The following RBMXL1 variants were observed in gnomAD, a reference collection of about 807,000 sequenced individuals.
RBMXL1 encodes the protein RNA binding motif protein, X-linked-like-1.
In RBMXL1, 18 loss-of-function variants were observed where a neutral mutation model predicts 29.0. That is an observed-to-expected ratio of 0.62 (90% CI 0.43 to 0.92). RBMXL1 has a LOEUF of 0.92. RBMXL1 is among the 40% of genes least tolerant of loss of function. The pLI is 0.00. For missense variants in RBMXL1, 403 were observed against 495.8 expected (o/e 0.81, Z 1.78); for synonymous variants, 141 against 170.4 (o/e 0.83, Z 1.34).
chr1:88,983,937 G>A lies in RBMXL1; in HGVS notation c.-111C>T, dbSNP rs1677279218. 4.3e-6 allele frequency: 5 copies of A among 1,168,166 alleles called. No individual in the cohort carries two copies. The highest frequency in any genetic ancestry group is 6.3e-6 in the Non-Finnish European group (5 of 794,244). 72.4% of individuals were successfully genotyped at this position (1,168,166 alleles called of 1,614,324 possible). A position where few individuals can be genotyped will look rare whatever the true frequency, so the allele number is the denominator to read the frequency against. The stretch of plus-strand genomic sequence containing the variant: ...ACCAGTGGCGGCTGTCAGTTAGGAG[G>A]ACTGAACCGCGAAGCCGCTAGCACT... On this transcript the variant is annotated 5_prime_UTR_variant, in exon 3 of 3. Transcript: ENST00000652648.
rs775027381 is a variant in RBMXL1, at chr1:88,983,338, C to A, written c.489G>T (p.Lys163Asn). ...GAACTAGTCCTGAAGGTGCAGATCT[C>A]TTAGGAGAAGGACCCCCACTTCTTG... is the stretch of plus-strand genomic sequence containing the variant. ...PPPRSGGPSP[K>N]RSAPSGLVRS... is the part of the protein sequence containing the mutation. Residue 163 changes from lysine to asparagine, a missense_variant, in exon 3 of 3, where the codon AAG becomes AAT. Physicochemically the swap from Lys to Asn is moderately conservative, Grantham distance 94. Transcript: ENST00000652648. 6.2e-7 allele frequency: 1 copy of A among 1,614,132 alleles called. No individual in the cohort carries two copies. Among genetic ancestry groups the A allele is most frequent in the Non-Finnish European group, 8.5e-7 (1 of 1,180,022 alleles).
In RBMXL1 at chr1:88,983,091, A is replaced by G; in HGVS notation, c.736T>C (p.Tyr246His). The G allele has an allele frequency of 6.2e-7, 1 of 1,612,404 alleles. No homozygotes were observed. Among genetic ancestry groups the G allele is most frequent in the Admixed American group, 1.7e-5 (1 of 60,028 alleles). ...PPPRDYTYRDYGHSSSRDDYP... is the reference protein window; with the variant it reads ...PPPRDYTYRDHGHSSSRDDYP... ...TCATCACGTGAACTGGAATGACCAT[A>G]ATCACGGTAAGTATAATCTCGTGGT... The change falls in exon 3 of 3, where the codon TAT becomes CAT. Residue 246 changes from tyrosine (Y) to histidine (H), a missense_variant. Coordinates refer to ENST00000652648, the MANE Select transcript of RBMXL1 (RefSeq NM_001162536.3).
At position 88,980,611 on chromosome 1, in the gene RBMXL1, C is replaced by T. The variant is rs1220406813; in HGVS notation, c.*2043G>A. ...GAAGAATCAAGATCTGATTCTTTTT[C>T]CACACGTCTGCTAGTTCAGTAAACT... On this transcript the variant is annotated 3_prime_UTR_variant, in exon 3 of 3. Transcript: ENST00000652648. The T allele has an allele frequency of 4.6e-5, 7 of 152,528 alleles. No individual in the cohort carries two copies. Among genetic ancestry groups the T allele is most frequent in the Admixed American group, 1.3e-4 (2 of 15,276 alleles). The allele number at this position is 152,528 out of a possible 1,614,324, so 9.4% of individuals were successfully genotyped here.
chr1:88,987,735 T>C (rs1476760303), intron 2 of RBMXL1, among the ~76,000 whole-genome samples: 1 of 152,240 alleles, frequency 6.6e-6, no homozygotes, highest in Non-Finnish European at 1.5e-5. Context: ...CTAAAAAATA[T>C]TGCTACTTAT....
Position 88,982,685 on chromosome 1 carries a change from G to T in RBMXL1, c.1142C>A (p.Ser381Tyr), listed in dbSNP as rs749709949. ...PRGAGPGGSR[S>Y]DRGGGRSRY ...TCTGCTTCTGCCTCCCCCTCTATCAGATCGGCTTCCTCCAGGGCCAGCACC... is the reference window on the plus strand; with the variant it reads ...TCTGCTTCTGCCTCCCCCTCTATCATATCGGCTTCCTCCAGGGCCAGCACC... The change falls in exon 3 of 3, where the codon TCT becomes TAT. Residue 381 changes from serine (S) to tyrosine (Y), a missense_variant. Coordinates refer to ENST00000652648, the MANE Select transcript of RBMXL1 (RefSeq NM_001162536.3). The T allele has an allele frequency of 9.9e-6, 16 of 1,613,292 alleles. No individual in the cohort carries two copies. In the African/African-American group the frequency reaches 1.9e-4, roughly 19 times the overall value.
chr1:88,989,733 C>T (rs1557711751), intron 1 of RBMXL1, among the ~76,000 whole-genome samples: 1 of 152,188 alleles, frequency 6.6e-6, no homozygotes, highest in Admixed American at 6.5e-5. Flanking sequence ...CCTCAATGCC[C>T]ACCTTCCTTC....
At position 88,982,916 on chromosome 1, in the gene RBMXL1, T is replaced by C; in HGVS notation, c.911A>G (p.Tyr304Cys). 1 of 1,614,010 alleles carries C rather than the reference T, an allele frequency of 6.2e-7. No individual in the cohort carries two copies. Among genetic ancestry groups the C allele is most frequent in the East Asian group, 2.2e-5 (1 of 44,876 alleles). ...APLTRGPPPS[Y>C]GGSSRYDDYS... Reference sequence around the variant, plus strand: ...ATCATCATAGCGACTGCTTCCACCATAAGATGGCGGGGGCCCTCGTGTAAG... The same window carrying C: ...ATCATCATAGCGACTGCTTCCACCACAAGATGGCGGGGGCCCTCGTGTAAG... Residue 304 changes from tyrosine (Y) to cysteine (C), a missense_variant, in exon 3 of 3, where the codon TAT becomes TGT. Physicochemically the swap from Tyr to Cys is radical, Grantham distance 194. Coordinates refer to ENST00000652648, the MANE Select transcript of RBMXL1 (RefSeq NM_001162536.3).
intron 1 of RBMXL1, among the ~76,000 whole-genome samples, chr1:88,988,822 A>T (rs923426657): frequency 2.6e-5 from 4 of 152,244 alleles, no homozygotes; most frequent in Admixed American, 1.3e-4. Flanking sequence ...TGAAAAGACG[A>T]ATGATAGTAG....
At chr1:88,992,199 C>A (rs564316760) in intron 1 of RBMXL1, among the ~76,000 whole-genome samples, 46 of 152,222 alleles carry the variant, frequency 3.0e-4, no homozygotes, top group Admixed American at 1.9e-3. Context: ...AGGATGGTCT[C>A]GATCTCCTGA....
At position 88,984,364 on chromosome 1, in the gene RBMXL1, G is replaced by A. The variant is rs143213259; in HGVS notation, c.-240-298C>T. Among the ~76,000 whole-genome samples, 79 of 151,866 alleles carry A rather than the reference G, an allele frequency of 5.2e-4. 3 individuals are homozygous for A. The highest frequency in any genetic ancestry group is 1.7e-3 in the African/African-American group (71 of 41,418). On this transcript the variant is annotated intron_variant, in intron 2 of 2. Transcript: ENST00000652648. ...TGAGTAGCTTGGATTACCGGCATGCGCCACCACACCTGGCTAATTTTTGTA... is the reference window on the plus strand; with the variant it reads ...TGAGTAGCTTGGATTACCGGCATGCACCACCACACCTGGCTAATTTTTGTA...
chr1:88,979,986 A>G lies in RBMXL1; in HGVS notation c.*2668T>C, dbSNP rs897775894. On this transcript the variant is annotated 3_prime_UTR_variant, in exon 3 of 3. Transcript: ENST00000652648. ...TCACATAATGGGACACTACTCAGCA[A>G]TAAAAGGAATAAGCTACTGATACAC... The G allele has an allele frequency of 3.3e-5, 5 of 152,236 alleles. No homozygotes were observed. The highest frequency in any genetic ancestry group is 7.3e-5 in the Non-Finnish European group (5 of 68,048). The allele number at this position is 152,236 out of a possible 1,614,324, so 9.4% of individuals were successfully genotyped here.
rs757891376 is a variant in RBMXL1 at position 88,982,993 on chromosome 1, T to A, written c.834A>T (p.Gly278=). ...RDRDYSDHPS[G]GSYRDSYESY... Reference sequence around the variant, plus strand: ...TCTCATATGAATCTCTGTAGGAACCTCCACTTGGATGATCTGAATAGTCAC... The same window carrying A: ...TCTCATATGAATCTCTGTAGGAACCACCACTTGGATGATCTGAATAGTCAC... The change falls in exon 3 of 3, where the codon GGA becomes GGT. Residue 278 remains glycine, a synonymous_variant. Coordinates refer to ENST00000652648, the MANE Select transcript of RBMXL1 (RefSeq NM_001162536.3). 1.2e-6 allele frequency: 2 copies of A among 1,613,322 alleles called. No individual in the cohort carries two copies. The highest frequency in any genetic ancestry group is 2.2e-5 in the East Asian group (1 of 44,874).
In RBMXL1 at chr1:88,983,353, C is replaced by A. The variant is rs1360858239; in HGVS notation, c.474G>T (p.Gly158=). The change falls in exon 3 of 3, where the codon GGG becomes GGT. Residue 158 remains glycine (G), a synonymous_variant. Transcript: ENST00000652648. ...GTGCAGATCTCTTAGGAGAAGGACC[C>A]CCACTTCTTGGTGGTGGTCCTCTTT... ...PVKRGPPPRS[G]GPSPKRSAPS... is the part of the protein sequence containing the mutation. 6.2e-7 allele frequency: 1 copy of A among 1,614,176 alleles called. No homozygotes were observed. Among genetic ancestry groups the A allele is most frequent in the Non-Finnish European group, 8.5e-7 (1 of 1,180,016 alleles).
At chr1:88,989,909 T>A (rs1677689357) in intron 1 of RBMXL1, among the ~76,000 whole-genome samples, 1 of 152,198 alleles carries the variant, frequency 6.6e-6, no homozygotes, top group African/African-American at 2.4e-5. Context: ...GGATATTGGT[T>A]TCACCACAGA....
rs775587496 is a variant in RBMXL1 at position 88,982,749 on chromosome 1, G to A, written c.1078C>T (p.Arg360Cys). The A allele has an allele frequency of 4.0e-5, 64 of 1,613,826 alleles. No homozygotes were observed. Among genetic ancestry groups the A allele is most frequent in the Middle Eastern group, 1.6e-4 (1 of 6,078 alleles). ...CGGCTTGAACTGCTGTAGGAATCAC[G>A]TGAAGAAGGGTACCCCCTTTCTACA... ...PSVERGYPSS[R>C]DSYSSSSRGA... is the part of the protein sequence containing the mutation. The change falls in exon 3 of 3, where the codon CGT becomes TGT. Residue 360 changes from arginine (R) to cysteine (C), a missense_variant. Coordinates refer to ENST00000652648, the MANE Select transcript of RBMXL1 (RefSeq NM_001162536.3).
At position 88,981,754 on chromosome 1, in the gene RBMXL1, C is replaced by CT. The variant is rs1389560355; in HGVS notation, c.*899dup. On this transcript the variant is annotated 3_prime_UTR_variant, in exon 3 of 3. Transcript: ENST00000652648. ...CATAATGAGCACAATCTTCAACCAT[C>CT]TTTGCTGTTTCACAGGCATTTGATG... 5.5e-6 allele frequency: 1 copy of CT among 182,120 alleles called. No individual in the cohort carries two copies. The highest frequency in any genetic ancestry group is 1.9e-4 in the East Asian group (1 of 5,376). The allele number at this position is 182,120 out of a possible 1,614,324, so 11.3% of individuals were successfully genotyped here. A position where few individuals can be genotyped will look rare whatever the true frequency, so the allele number is the denominator to read the frequency against.
intron 1 of RBMXL1, among the ~76,000 whole-genome samples, chr1:88,989,042 C>T (rs1677633925): frequency 6.6e-6 from 1 of 152,164 alleles, no homozygotes; most frequent in Non-Finnish European, 1.5e-5. Flanking sequence ...AATACTGCCA[C>T]TTAGAAGTGG....
At chr1:88,991,034 C>A (rs1391864584) in intron 1 of RBMXL1, among the ~76,000 whole-genome samples, 1 of 152,182 alleles carries the variant, frequency 6.6e-6, no homozygotes, top group African/African-American at 2.4e-5. Context: ...GGATGATCTA[C>A]GTGATCTAAT....
rs889760974 is a variant in RBMXL1, at chr1:88,981,235, CTGTT to C, written c.*1415_*1418del. On this transcript the variant is annotated 3_prime_UTR_variant, in exon 3 of 3. Transcript: ENST00000652648. ...TCATAAGTTTTATTCTACAACTAAA[CTGTT>C]TGTGGATAAGCCACCACAAAAAAAT... The C allele has an allele frequency of 2.6e-5, 4 of 152,186 alleles. No homozygotes were observed. The highest frequency in any genetic ancestry group is 9.7e-5 in the African/African-American group (4 of 41,432). The allele number at this position is 152,186 out of a possible 1,614,324, so 9.4% of individuals were successfully genotyped here.
Sources: gnomAD v4.1 joint callset for allele counts (sites outside exome capture counted in the v4.1 genomes callset) on GRCh38, gnomAD v4.1.1 for gene constraint, MANE v1.5 for transcripts, NCBI Gene and HGNC (gene_info 2026-07-23, HGNC 2026-07-21) for gene names.